The following LRRC17 variants were observed in gnomAD, a reference collection of about 807,000 sequenced individuals.
LRRC17 encodes the protein leucine-rich repeat-containing protein 17.
Under a neutral mutation model 41.5 loss-of-function variants are expected in LRRC17, and 33 were observed. That is an observed-to-expected ratio of 0.80 (90% CI 0.60 to 1.06). The LOEUF (loss-of-function observed/expected upper bound fraction) is 1.06, where lower values mean the gene tolerates loss of function less well. Ranked by LOEUF, LRRC17 falls within the 50% of genes least tolerant of loss-of-function variation. LRRC17 has a pLI of 0.00. For synonymous variants in LRRC17, 192 were observed against 197.0 expected (o/e 0.97, Z 0.21); for missense variants, 491 against 519.3 (o/e 0.95, Z 0.53).
intron 3 of LRRC17, among the ~76,000 whole-genome samples, chr7:102,942,954 C>G (rs1483279255): frequency 2.0e-5 from 3 of 152,044 alleles, no homozygotes; most frequent in African/African-American, 4.8e-5. Context: ...ACAGATAACC[C>G]AGGTGTAGAT....
rs1357624694 is a variant in LRRC17, at chr7:102,934,262, A to T, written c.349A>T (p.Ile117Phe). The change falls in exon 2 of 4, where the codon ATC becomes TTC. Residue 117 changes from isoleucine (I) to phenylalanine (F), a missense_variant. Transcript: ENST00000339431. The stretch of plus-strand genomic sequence containing the variant: ...AAGCCTGGATCTGCAGCAGAATGAG[A>T]TCTCTAAAATTGAGAGTGAGGCGTT... ...LKSLDLQQNE[I>F]SKIESEAFFG... is the part of the protein sequence containing the mutation. The T allele has an allele frequency of 1.9e-6, 3 of 1,614,076 alleles. No individual in the cohort carries two copies. Among genetic ancestry groups the T allele is most frequent in the Non-Finnish European group, 2.5e-6 (3 of 1,180,034 alleles).
At chr7:102,934,723 C>T in intron 2 of LRRC17, 38 bp downstream of exon 2, 1 of 1,498,474 alleles carries the variant, frequency 6.7e-7, no homozygotes, top group Non-Finnish European at 9.0e-7. Flanking sequence ...TCATGAATAA[C>T]TTGAAATGCT....
Position 102,944,472 on chromosome 7 carries a change from T to C in LRRC17, c.1191T>C (p.Tyr397=). The change falls in exon 4 of 4, where the codon TAT becomes TAC. Residue 397 remains tyrosine, a synonymous_variant. Transcript: ENST00000339431. ...TGGGAAAATATATTAGAAGTTACTA[T>C]GAAGAATGCCCCAAAGACAAGTTAC... The part of the protein sequence containing the change: ...WSVGKYIRSY[Y]EECPKDKLPA... The C allele has an allele frequency of 1.9e-6, 3 of 1,613,984 alleles. No individual in the cohort carries two copies. The highest frequency in any genetic ancestry group is 1.3e-5 in the African/African-American group (1 of 74,986).
chr7:102,943,012 A>C (rs1821764375), intron 3 of LRRC17, among the ~76,000 whole-genome samples: 1 of 151,824 alleles, frequency 6.6e-6, no homozygotes. Context: ...TTTTATTTTC[A>C]GTTATATTGG....
chr7:102,944,442 G>T lies in LRRC17; in HGVS notation c.1161G>T (p.Trp387Cys). 6.2e-7 allele frequency: 1 copy of T among 1,613,984 alleles called. No individual in the cohort carries two copies. The highest frequency in any genetic ancestry group is 8.5e-7 in the Non-Finnish European group (1 of 1,179,948). ...ECKTPEEYKG[W>C]SVGKYIRSYY... Reference sequence around the variant, plus strand: ...AAACGCCTGAAGAATACAAAGGATGGTCTGTGGGAAAATATATTAGAAGTT... The same window carrying T: ...AAACGCCTGAAGAATACAAAGGATGTTCTGTGGGAAAATATATTAGAAGTT... The change falls in exon 4 of 4, where the codon TGG becomes TGT. Residue 387 changes from tryptophan (W) to cysteine (C), a missense_variant. Transcript: ENST00000339431.
intron 3 of LRRC17, among the ~76,000 whole-genome samples, chr7:102,943,300 T>C (rs1212111905): frequency 6.6e-6 from 1 of 150,540 alleles, no homozygotes; most frequent in Non-Finnish European, 1.5e-5. Context: ...AATTCATGTC[T>C]CTTTTTTGTA....
chr7:102,943,915 AC>A (rs1264813871), intron 3 of LRRC17, among the ~76,000 whole-genome samples: 1 of 152,134 alleles, frequency 6.6e-6, no homozygotes, highest in Non-Finnish European at 1.5e-5. Flanking sequence ...TTAGGACCCC[AC>A]CTTCCCACCA....
At chr7:102,943,409 A>T (rs1265528265) in intron 3 of LRRC17, among the ~76,000 whole-genome samples, 1 of 152,172 alleles carries the variant, frequency 6.6e-6, no homozygotes, top group African/African-American at 2.4e-5. Flanking sequence ...AGTAAAACTA[A>T]TCAAGGGAAA....
chr7:102,944,263 C>A lies in LRRC17; in HGVS notation c.982C>A (p.Leu328Met), dbSNP rs1343069989. The A allele has an allele frequency of 1.2e-6, 2 of 1,612,744 alleles. No homozygotes were observed. Among genetic ancestry groups the A allele is most frequent in the Non-Finnish European group, 1.7e-6 (2 of 1,179,682 alleles). The change falls in exon 4 of 4, where the codon CTG becomes ATG. Residue 328 changes from leucine to methionine, a missense_variant. Coordinates refer to ENST00000339431, the MANE Select transcript of LRRC17 (RefSeq NM_001031692.3). ...LEELDLSNNS[L>M]QNFDYGVLED... is the part of the protein sequence containing the mutation. ...AGAATTAGATTTATCAAACAACAGT[C>A]TGCAAAACTTTGACTATGGCGTATT...
chr7:102,932,035 C>T, intron 1 of LRRC17: 1 of 1,125,864 alleles, frequency 8.9e-7, no homozygotes, highest in South Asian at 1.6e-5. Context: ...AGAAAACAAA[C>T]AAAAACCTTG....
At chr7:102,937,345 C>CAAA (rs373845836) in intron 2 of LRRC17, among the ~76,000 whole-genome samples, 139 of 143,790 alleles carry the variant, frequency 9.7e-4, no homozygotes, top group African/African-American at 3.1e-3. Context: ...ACTAAAAATA[C>CAAA]AAAAAAAAAA....
Position 102,931,841 on chromosome 7 carries a change from A to G in LRRC17, c.-140-1933A>G, listed in dbSNP as rs761976072. On this transcript the variant is annotated intron_variant, in intron 1 of 3. Transcript: ENST00000339431. ...ATTGGCACCCCAATGTAGCAAGTCAATCTATATAAACAGCAGTAAAAATGG... is the reference window on the plus strand; with the variant it reads ...ATTGGCACCCCAATGTAGCAAGTCAGTCTATATAAACAGCAGTAAAAATGG... 28 of 1,589,294 alleles carry G rather than the reference A, an allele frequency of 1.8e-5. No homozygotes were observed. The African/African-American group carries it at 2.2e-4, about 12-fold the overall frequency.
chr7:102,915,568 G>A (rs1815685955), intron 1 of LRRC17, among the ~76,000 whole-genome samples: 1 of 152,120 alleles, frequency 6.6e-6, no homozygotes, highest in Admixed American at 6.5e-5. Context: ...TGAGAACTGA[G>A]CTAGGAGTGC....
intron 1 of LRRC17, among the ~76,000 whole-genome samples, chr7:102,915,855 T>C (rs1563085086): frequency 6.6e-6 from 1 of 152,232 alleles, no homozygotes; most frequent in Non-Finnish European, 1.5e-5. Context: ...GAAATACTTA[T>C]AACAATTGAA....
intron 3 of LRRC17, among the ~76,000 whole-genome samples, chr7:102,940,143 C>A (rs570231201): frequency 6.6e-5 from 10 of 152,098 alleles, no homozygotes; most frequent in African/African-American, 2.4e-4. Context: ...ATCCGCCCAC[C>A]TTGGCCTCCC....
At chr7:102,941,283 G>C (rs368164286) in intron 3 of LRRC17, among the ~76,000 whole-genome samples, 4 of 152,156 alleles carry the variant, frequency 2.6e-5, no homozygotes, top group African/African-American at 9.7e-5. Context: ...GTCACTGGTA[G>C]CCAGTGTCAT....
chr7:102,927,582 G>C (rs1043352196), intron 1 of LRRC17, among the ~76,000 whole-genome samples: 4 of 152,108 alleles, frequency 2.6e-5, no homozygotes, highest in African/African-American at 9.7e-5. Flanking sequence ...GATTTACAGG[G>C]GCAGCAAACC....
rs749936572 is a variant in LRRC17, at chr7:102,939,601, T to C, written c.928+16T>C. ...ATCGATCCTGGTAAGTTCCCCTGTA[T>C]AGCCCCTTCAATGGGTGGCAAGTGT... On this transcript the variant is annotated intron_variant, in intron 3 of 3. Coordinates refer to ENST00000339431, the MANE Select transcript of LRRC17 (RefSeq NM_001031692.3). 7 of 1,595,152 alleles carry C rather than the reference T, an allele frequency of 4.4e-6. No individual in the cohort carries two copies. The highest frequency in any genetic ancestry group is 1.8e-5 in the Admixed American group (1 of 56,110).
chr7:102,931,313 T>A (rs1819131143), intron 1 of LRRC17, among the ~76,000 whole-genome samples: 1 of 152,174 alleles, frequency 6.6e-6, no homozygotes. Context: ...CAGAGGGTCT[T>A]CAAGGTAGAG....
Sources: allele counts gnomAD v4.1 joint callset (sites outside exome capture counted in the v4.1 genomes callset), GRCh38; gene constraint gnomAD v4.1.1; transcripts MANE v1.5; gene names NCBI Gene and HGNC (gene_info 2026-07-23, HGNC 2026-07-21).